The following LRP1B variants were observed in gnomAD, a reference collection of about 807,000 sequenced individuals.
The protein encoded by LRP1B is low-density lipoprotein receptor-related protein 1B.
A neutral mutation model predicts 556.6 loss-of-function variants in LRP1B; 217 were observed. That is an observed-to-expected ratio of 0.39 (90% confidence interval 0.35 to 0.44). LRP1B has a LOEUF of 0.44. Ranked by LOEUF, LRP1B falls within the 20% of genes least tolerant of loss-of-function variation. The pLI is 1.00. For missense variants in LRP1B, 5,053 were observed against 5,620.8 expected, an observed-to-expected ratio of 0.90 and a Z score of 3.23; for synonymous variants, 2,047 against 1,865.8, an observed-to-expected ratio of 1.10 and a Z score of -2.50.
chr2:140,954,882 A>G (rs1202094211), intron 18 of LRP1B, among the ~76,000 whole-genome samples: 4 of 151,994 alleles, frequency 2.6e-5, no homozygotes, highest in Non-Finnish European at 5.9e-5. Context: ...TACTGTAGAG[A>G]AAAACATTGG....
chr2:141,697,761 A>G (rs1031191569), intron 2 of LRP1B, among the ~76,000 whole-genome samples: 1 of 151,982 alleles, frequency 6.6e-6, no homozygotes, highest in African/African-American at 2.4e-5. Context: ...CTTCTATAAG[A>G]AACAATTGGC....
At chr2:141,968,390 T>A (rs1701623962) in intron 1 of LRP1B, among the ~76,000 whole-genome samples, 1 of 151,798 alleles carries the variant, frequency 6.6e-6, no homozygotes, top group Non-Finnish European at 1.5e-5. Flanking sequence ...TAATAGGAAA[T>A]AAAATATTTG....
intron 3 of LRP1B, among the ~76,000 whole-genome samples, chr2:141,477,298 G>A (rs60118950): frequency 0.52 from 74,143 of 141,744 alleles, 19,110 homozygotes; most frequent in Non-Finnish European, 0.56. Flanking sequence ...AATTGTTCTG[G>A]AAAAAAAAAA....
At chr2:141,404,013 A>C (rs1457864136) in intron 3 of LRP1B, among the ~76,000 whole-genome samples, 1 of 152,176 alleles carries the variant, frequency 6.6e-6, no homozygotes, top group African/African-American at 2.4e-5. Flanking sequence ...TGGATCTCCA[A>C]ATCTATGAGG....
intron 6 of LRP1B, among the ~76,000 whole-genome samples, chr2:141,224,037 T>G (rs957260885): frequency 4.1e-4 from 62 of 151,980 alleles, no homozygotes; most frequent in African/African-American, 1.5e-3. Context: ...ACGAATGAGA[T>G]CTAATTAAAC....
At chr2:141,298,081 C>T (rs1223152666) in intron 3 of LRP1B, among the ~76,000 whole-genome samples, 2 of 152,172 alleles carry the variant, frequency 1.3e-5, no homozygotes, top group African/African-American at 4.8e-5. Flanking sequence ...GATGCTCCCT[C>T]AATAATTTCA....
intron 1 of LRP1B, among the ~76,000 whole-genome samples, chr2:142,093,454 C>T (rs1174583609): frequency 2.0e-5 from 3 of 152,194 alleles, no homozygotes; most frequent in Non-Finnish European, 2.9e-5. Context: ...TTTAAGATCA[C>T]CACGTTCTCT....
At chr2:141,211,879 TCTC>T (rs1246409428) in intron 6 of LRP1B, among the ~76,000 whole-genome samples, 8 of 152,270 alleles carry the variant, frequency 5.3e-5, no homozygotes, top group Admixed American at 5.2e-4. Context: ...GATGGCCTGA[TCTC>T]CTCACTGAAA....
rs578235376 is a variant in LRP1B at position 141,588,235 on chromosome 2, G to C, written c.206-107702C>G. ...TTTGTCTTCATTAATCCCCAACTTA[G>C]GACTGGCAGCTTTTTTTTTTATCAT... On this transcript the variant is annotated intron_variant, in intron 2 of 90. Coordinates refer to ENST00000389484, the MANE Select transcript of LRP1B (RefSeq NM_018557.3). Among the ~76,000 whole-genome samples, 16 of 143,738 alleles carry C rather than the reference G, an allele frequency of 1.1e-4. No individual in the cohort carries two copies. In the South Asian group the frequency reaches 3.3e-3, roughly 30 times the overall value. The allele number at this position is 143,738 out of a possible 152,430, so 94.3% of individuals were successfully genotyped here.
At chr2:140,426,820 G>C (rs111755555) in intron 66 of LRP1B, among the ~76,000 whole-genome samples, 9 of 152,132 alleles carry the variant, frequency 5.9e-5, no homozygotes. Context: ...GCCGTGACTC[G>C]GATCGGGGGA....
intron 1 of LRP1B, among the ~76,000 whole-genome samples, chr2:142,126,297 T>C (rs1430016993): frequency 6.6e-6 from 1 of 151,776 alleles, no homozygotes; most frequent in Non-Finnish European, 1.5e-5. Context: ...ATAGACATGT[T>C]TATCTGGAGT....
chr2:140,628,142 G>T (rs901661839), intron 41 of LRP1B, among the ~76,000 whole-genome samples: 11 of 152,162 alleles, frequency 7.2e-5, no homozygotes, highest in African/African-American at 2.4e-4. Context: ...ATCAAGTCTA[G>T]TCTTTCACAT....
intron 84 of LRP1B, among the ~76,000 whole-genome samples, chr2:140,276,890 A>G (rs1167492641): frequency 1.3e-5 from 2 of 151,874 alleles, no homozygotes; most frequent in African/African-American, 4.8e-5. Context: ...ATAGGTCTGA[A>G]ATGGGGCCCA....
At chr2:142,017,636 G>GC (rs1373686553) in intron 1 of LRP1B, among the ~76,000 whole-genome samples, 2 of 152,102 alleles carry the variant, frequency 1.3e-5, no homozygotes, top group Non-Finnish European at 2.9e-5. Flanking sequence ...ACTTTGGGAG[G>GC]CCACAAGGGA....
chr2:141,585,105 C>T (rs763333348), intron 2 of LRP1B, among the ~76,000 whole-genome samples: 7 of 152,074 alleles, frequency 4.6e-5, no homozygotes, highest in African/African-American at 1.4e-4. Flanking sequence ...TAGAGAAAAA[C>T]GGTCTTTTCT....
At chr2:140,974,764 A>G (rs1334471485) in intron 18 of LRP1B, among the ~76,000 whole-genome samples, 3 of 152,208 alleles carry the variant, frequency 2.0e-5, no homozygotes, top group Non-Finnish European at 2.9e-5. Flanking sequence ...TTCTACAGAG[A>G]GAAACCGATA....
intron 3 of LRP1B, among the ~76,000 whole-genome samples, chr2:141,357,256 G>A (rs778233476): frequency 6.6e-5 from 10 of 151,884 alleles, no homozygotes; most frequent in South Asian, 2.1e-4. Flanking sequence ...GGTTTTCACC[G>A]TGTTAGCCAG....
intron 1 of LRP1B, among the ~76,000 whole-genome samples, chr2:141,892,657 G>T (rs1406653564): frequency 2.6e-5 from 4 of 152,044 alleles, no homozygotes; most frequent in African/African-American, 7.2e-5. Context: ...TAACCCTGGA[G>T]GGAAGCTTTT....
chr2:140,590,259 A>G (rs1164073972), intron 43 of LRP1B, among the ~76,000 whole-genome samples: 1 of 148,052 alleles, frequency 6.8e-6, no homozygotes, highest in Non-Finnish European at 1.5e-5. Flanking sequence ...TACATAATAT[A>G]TAATGTATAT....
Sources: gnomAD v4.1 joint callset for allele counts (sites outside exome capture counted in the v4.1 genomes callset) on GRCh38, gnomAD v4.1.1 for gene constraint, MANE v1.5 for transcripts, NCBI Gene and HGNC (gene_info 2026-07-23, HGNC 2026-07-21) for gene names.